Variants in CREB5 observed in about 807,000 individuals in gnomAD.
CREB5 encodes the protein cAMP responsive element binding protein 5.
In CREB5, 19 loss-of-function variants were observed where a neutral mutation model predicts 57.1. The ratio of observed to expected loss-of-function variants is 0.33; its 90% CI spans 0.23 to 0.49. CREB5 has a LOEUF of 0.49. CREB5 is among the 20% of genes least tolerant of loss of function. CREB5 has a pLI of 0.99. For missense variants in CREB5, 579 were observed against 671.6 expected (o/e 0.86, Z 1.52); for synonymous variants, 238 against 238.3 (o/e 1.00, Z 0.01).
intron 4 of CREB5, among the ~76,000 whole-genome samples, chr7:28,542,662 T>C (rs553383148): frequency 2.6e-5 from 4 of 152,268 alleles, no homozygotes; most frequent in African/African-American, 9.6e-5. Flanking sequence ...GCCACTGTGC[T>C]TTTAACTGCT....
At chr7:28,583,992 A>G (rs1282487069) in intron 5 of CREB5, among the ~76,000 whole-genome samples, 1 of 152,034 alleles carries the variant, frequency 6.6e-6, no homozygotes, top group Non-Finnish European at 1.5e-5. Flanking sequence ...CTCCACCTTC[A>G]ACCTGCACAC....
intron 7 of CREB5, among the ~76,000 whole-genome samples, chr7:28,769,469 A>G (rs1414979226): frequency 2.0e-5 from 3 of 152,264 alleles, no homozygotes; most frequent in South Asian, 2.1e-4. Flanking sequence ...ACGTATAATT[A>G]TGTACCAAAT....
rs1386601190 is a variant in CREB5 at position 28,822,003 on chromosome 7, T to G, written c.*2724T>G. The G allele has an allele frequency of 1.3e-5, 2 of 152,670 alleles. No individual in the cohort carries two copies. Among genetic ancestry groups the G allele is most frequent in the East Asian group, 3.8e-4 (2 of 5,204 alleles). 9.5% of individuals were successfully genotyped at this position (152,670 alleles called of 1,614,324 possible). ...TGATTGAAATATTTAGTTGTTAGGC[T>G]GAAAGCCTCGGCAGTTAAGAACTTG... On this transcript the variant is annotated 3_prime_UTR_variant, in exon 11 of 11. Coordinates refer to ENST00000357727, the MANE Select transcript of CREB5 (RefSeq NM_182898.4).
At chr7:28,583,080 G>A (rs1386961288) in intron 5 of CREB5, among the ~76,000 whole-genome samples, 1 of 152,168 alleles carries the variant, frequency 6.6e-6, no homozygotes, top group African/African-American at 2.4e-5. Context: ...TGGCCAGGTG[G>A]GCAGGGCTCC....
chr7:28,350,838 C>T (rs551921460), intron 1 of CREB5, among the ~76,000 whole-genome samples: 4 of 152,234 alleles, frequency 2.6e-5, no homozygotes, highest in Non-Finnish European at 4.4e-5. Context: ...GTGATAACTG[C>T]GCTGCTAGAT....
chr7:28,365,547 T>C (rs1171005890), intron 1 of CREB5, among the ~76,000 whole-genome samples: 1 of 152,162 alleles, frequency 6.6e-6, no homozygotes, highest in East Asian at 1.9e-4. Flanking sequence ...CTCCTCTGGC[T>C]CCCACCCCCT....
rs1387451967 is a variant in CREB5, at chr7:28,816,053, A to ACG, written c.1255-2016_1255-2015dup. ...ACATTTCCTTCTGAAGCAAATATAT[A>ACG]CGCACACACACACACACACACACAC... On this transcript the variant is annotated intron_variant, in intron 9 of 10. Transcript: ENST00000357727. 7.5e-3 allele frequency among the ~76,000 whole-genome samples: 938 copies of ACG among 125,696 alleles called. 7 individuals are homozygous for ACG. The highest frequency in any genetic ancestry group is 0.025 in the African/African-American group (850 of 34,170). The allele number at this position is 125,696 out of a possible 152,430, so 82.5% of individuals were successfully genotyped here.
chr7:28,778,751 G>A (rs1182877468), intron 7 of CREB5, among the ~76,000 whole-genome samples: 2 of 152,042 alleles, frequency 1.3e-5, no homozygotes, highest in African/African-American at 2.4e-5. Flanking sequence ...AATATTAAAC[G>A]TTATTTGGAT....
intron 4 of CREB5, among the ~76,000 whole-genome samples, chr7:28,556,736 C>T (rs773071648): frequency 3.9e-5 from 6 of 152,140 alleles, no homozygotes; most frequent in Non-Finnish European, 5.9e-5. Flanking sequence ...AAGCCTGGCC[C>T]GTACACACAA....
intron 7 of CREB5, among the ~76,000 whole-genome samples, chr7:28,782,357 C>T (rs1222536143): frequency 7.1e-6 from 1 of 140,708 alleles, no homozygotes; most frequent in Non-Finnish European, 1.7e-5. Flanking sequence ...TATTTTGATA[C>T]ATTGTCAGCA....
At chr7:28,501,798 C>T (rs1792285756) in intron 3 of CREB5, among the ~76,000 whole-genome samples, 1 of 152,088 alleles carries the variant, frequency 6.6e-6, no homozygotes, top group African/African-American at 2.4e-5. Flanking sequence ...CATGGTTGAT[C>T]GTGAGTAGGT....
At chr7:28,534,180 C>T (rs1163639099) in intron 4 of CREB5, among the ~76,000 whole-genome samples, 4 of 152,208 alleles carry the variant, frequency 2.6e-5, no homozygotes, top group Admixed American at 1.3e-4. Context: ...TCTCCCTGTG[C>T]AATTTGCTGG....
At position 28,545,728 on chromosome 7, in the gene CREB5, G is replaced by A. The variant is rs577885942; in HGVS notation, c.292-24637G>A. ...CAGAGATCATTGTCATCACAGATGA[G>A]AGAAAATTTCCACTCTTGCTCTATT... On this transcript the variant is annotated intron_variant, in intron 4 of 10. Transcript: ENST00000357727. Among the ~76,000 whole-genome samples, 414 of 152,250 alleles carry A rather than the reference G, an allele frequency of 2.7e-3. 1 individual carries two copies. The highest frequency in any genetic ancestry group is 0.02 in the Middle Eastern group (6 of 294).
chr7:28,346,784 C>T (rs922612204), intron 1 of CREB5, among the ~76,000 whole-genome samples: 6 of 152,114 alleles, frequency 3.9e-5, no homozygotes, highest in African/African-American at 9.7e-5. Context: ...TGGGAGAATA[C>T]GTCCATCCTT....
rs576115259 is a variant in CREB5 at position 28,425,792 on chromosome 7, C to T, written c.3+12875C>T. On this transcript the variant is annotated intron_variant, in intron 1 of 10. Transcript: ENST00000357727. Reference sequence around the variant, plus strand: ...TATCATATGTATCTCCAGCTTGCACCTCTCTCCTTGGCAATGGCCTTCACT... The same window carrying T: ...TATCATATGTATCTCCAGCTTGCACTTCTCTCCTTGGCAATGGCCTTCACT... Among the ~76,000 whole-genome samples the T allele has an allele frequency of 3.3e-5, 5 of 152,314 alleles. No individual in the cohort carries two copies. The South Asian group carries it at 1.0e-3, about 32-fold the overall frequency.
At position 28,437,141 on chromosome 7, in the gene CREB5, T is replaced by A. The variant is rs553905656; in HGVS notation, c.3+24224T>A. Among the ~76,000 whole-genome samples the A allele has an allele frequency of 2.5e-3, 382 of 152,308 alleles. 2 individuals carry two copies. The highest frequency in any genetic ancestry group is 8.7e-3 in the African/African-American group (360 of 41,586). ...AGAGATGAGCACCTGTTAAGGGCCA[T>A]GGCTAAGGACTTCACACTACTGTTT... On this transcript the variant is annotated intron_variant, in intron 1 of 10. Transcript: ENST00000357727.
chr7:28,695,609 T>C (rs1801512766), intron 5 of CREB5, among the ~76,000 whole-genome samples: 1 of 152,150 alleles, frequency 6.6e-6, no homozygotes, highest in African/African-American at 2.4e-5. Context: ...GGGCCAGAAG[T>C]TGTGGGCCCT....
intron 1 of CREB5, among the ~76,000 whole-genome samples, chr7:28,453,508 CAT>C: frequency 6.6e-6 from 1 of 152,352 alleles, no homozygotes; most frequent in Non-Finnish European, 1.5e-5. Context: ...CTTATCTTCT[CAT>C]ATGATTTTAA....
intron 1 of CREB5, among the ~76,000 whole-genome samples, chr7:28,346,898 C>T (rs567233841): frequency 3.9e-5 from 6 of 152,144 alleles, no homozygotes; most frequent in African/African-American, 1.4e-4. Flanking sequence ...GACATTAGAA[C>T]TTTGATCAGT....
Sources: gnomAD v4.1 joint callset for allele counts (sites outside exome capture counted in the v4.1 genomes callset) on GRCh38, gnomAD v4.1.1 for gene constraint, MANE v1.5 for transcripts, NCBI Gene and HGNC (gene_info 2026-07-23, HGNC 2026-07-21) for gene names.